VPS51: variants seen among roughly 807,000 people sequenced by gnomAD.
VPS51 encodes the protein vacuolar protein sorting-associated protein 51 homolog.
In VPS51, 55 loss-of-function variants were observed where a neutral mutation model predicts 65.1. That is an observed-to-expected ratio of 0.84 (90% CI 0.68 to 1.06). The LOEUF (loss-of-function observed/expected upper bound fraction) is 1.06, where lower values mean the gene tolerates loss of function less well. VPS51 is among the 50% of genes least tolerant of loss of function. The pLI is 0.00. For missense variants in VPS51, 943 were observed against 1,101.6 expected (o/e 0.86, Z 2.04); for synonymous variants, 473 against 489.5 (o/e 0.97, Z 0.44).
intron 2 of VPS51, among the ~76,000 whole-genome samples, chr11:65,101,762 CAAAAA>C (rs1165429983): frequency 2.0e-3 from 53 of 26,334 alleles, no homozygotes; most frequent in African/African-American, 4.2e-3. Flanking sequence ...GACCTTGTCT[CAAAAA>C]AAAAAAAAAA....
At position 65,107,564 on chromosome 11, in the gene VPS51, C is replaced by T. The variant is rs564127198; in HGVS notation, c.359-17C>T. ...CAGTCACCTGCTCTCCCCTTTTCCC[C>T]GCCCCTGCCCTCCTAGACACCATCC... On this transcript the variant is annotated splice_polypyrimidine_tract_variant and intron_variant, in intron 2 of 9. Transcript: ENST00000279281. The surrounding 1 kb of genome is among the most constrained non-coding windows in gnomAD (Gnocchi z 4.0). 6 of 1,565,464 alleles carry T rather than the reference C, an allele frequency of 3.8e-6. No individual in the cohort carries two copies. The East Asian group carries it at 6.8e-5, about 18-fold the overall frequency.
intron 2 of VPS51, among the ~76,000 whole-genome samples, chr11:65,100,525 GTTTTTTT>G (rs36120079): frequency 3.0e-5 from 2 of 65,614 alleles, no homozygotes; most frequent in African/African-American, 6.0e-5. Context: ...TCATAGCAGT[GTTTTTTT>G]TTTTTTTTTT....
At chr11:65,110,917 G>A in intron 9 of VPS51, 136 bp downstream of exon 9, 3 of 1,089,098 alleles carry the variant, frequency 2.8e-6, no homozygotes, top group Non-Finnish European at 4.1e-6. Context: ...TCTGTCTCTA[G>A]GGCTGTTTTT....
At chr11:65,104,297 A>G (rs1388742802) in intron 2 of VPS51, among the ~76,000 whole-genome samples, 1 of 152,156 alleles carries the variant, frequency 6.6e-6, no homozygotes. Flanking sequence ...GTATCTCCAT[A>G]ATACATCTCG....
At chr11:65,108,064 C>T (rs1270097397) in intron 4 of VPS51, 42 bp downstream of exon 4, 2 of 1,488,324 alleles carry the variant, frequency 1.3e-6, no homozygotes, top group Non-Finnish European at 1.8e-6. Context: ...CCGCCAGCCC[C>T]GAGCCCCATC....
At position 65,111,411 on chromosome 11, in the gene VPS51, C is replaced by T. The variant is rs371792750; in HGVS notation, c.2173C>T (p.Leu725=). 7.4e-6 allele frequency: 12 copies of T among 1,613,394 alleles called. No individual in the cohort carries two copies. In the African/African-American group the frequency reaches 1.5e-4, roughly 20 times the overall value. Residue 725 remains leucine, a synonymous_variant, in exon 10 of 10, where the codon CTG becomes TTG. Transcript: ENST00000279281. ...GCTGCGCACCTTTGGGCGCTTCGGGCTGCAGCAGGTGCAAGTGGACTGCCA... is the reference window on the plus strand; with the variant it reads ...GCTGCGCACCTTTGGGCGCTTCGGGTTGCAGCAGGTGCAAGTGGACTGCCA... ...VRLRTFGRFG[L]QQVQVDCHFL...
Position 65,107,085 on chromosome 11 carries a change from G to C in VPS51, c.359-496G>C, listed in dbSNP as rs1033437860. On this transcript the variant is annotated intron_variant, in intron 2 of 9. Transcript: ENST00000279281. The surrounding 1 kb of genome is among the most constrained non-coding windows in gnomAD (Gnocchi z 4.0). Reference sequence around the variant, plus strand: ...GATTCTATCAGGACCAAAGGGAAAGGGCCCTTCAGAGAAGACAGCCCATGT... The same window carrying C: ...GATTCTATCAGGACCAAAGGGAAAGCGCCCTTCAGAGAAGACAGCCCATGT... The C allele has an allele frequency of 2.0e-5, 9 of 447,996 alleles. No homozygotes were observed. The highest frequency in any genetic ancestry group is 4.8e-5 in the Admixed American group (2 of 41,732). The allele number at this position is 447,996 out of a possible 1,614,324, so 27.8% of individuals were successfully genotyped here.
rs1271577870 is a variant in VPS51, at chr11:65,096,374, G to A, written c.124G>A (p.Gly42Ser). The A allele has an allele frequency of 2.0e-6, 3 of 1,533,928 alleles. No homozygotes were observed. Among genetic ancestry groups the A allele is most frequent in the Admixed American group, 2.3e-5 (1 of 42,860 alleles). Residue 42 changes from glycine to serine, a missense_variant, in exon 1 of 10, where the codon GGC becomes AGC. Physicochemically the swap from Gly to Ser is moderately conservative, Grantham distance 56 (BLOSUM62 0). Coordinates refer to ENST00000279281, the MANE Select transcript of VPS51 (RefSeq NM_013265.4). ...KAHGMLKLYY[G>S]LSEGEAAGRP... ...GCACGGGATGCTGAAGCTTTACTAC[G>A]GCCTCTCGGAAGGGGAGGCGGCGGG... is the stretch of plus-strand genomic sequence containing the variant.
chr11:65,098,085 G>A (rs955317345), intron 2 of VPS51, among the ~76,000 whole-genome samples: 11 of 152,070 alleles, frequency 7.2e-5, no homozygotes, highest in African/African-American at 2.4e-4. Context: ...AGGAGGCTGA[G>A]TGGGAGAATC....
chr11:65,097,279 T>C, intron 2 of VPS51, 152 bp downstream of exon 2: 1 of 1,180,826 alleles, frequency 8.5e-7, no homozygotes, highest in East Asian at 2.6e-5. Context: ...CTTTGAGCCT[T>C]CGTTGTCAGA....
chr11:65,097,856 C>A (rs1947781343), intron 2 of VPS51, among the ~76,000 whole-genome samples: 1 of 148,962 alleles, frequency 6.7e-6, no homozygotes, highest in East Asian at 2.0e-4. Context: ...GACCCTGTCT[C>A]AAAAAAAAGA....
Position 65,107,974 on chromosome 11 carries a change from G to C in VPS51, c.677G>C (p.Cys226Ser). 1 of 1,565,194 alleles carries C rather than the reference G, an allele frequency of 6.4e-7. No homozygotes were observed. Among genetic ancestry groups the C allele is most frequent in the Non-Finnish European group, 8.6e-7 (1 of 1,157,284 alleles). The change falls in exon 4 of 10, where the codon TGC becomes TCC. Residue 226 changes from cysteine (C) to serine (S), a missense_variant. Cys to Ser is a moderately radical substitution (Grantham distance 112). This residue lies in a region of VPS51 where 855 missense variants were observed against 953.7 expected (regional missense o/e 0.90). Coordinates refer to ENST00000279281, the MANE Select transcript of VPS51 (RefSeq NM_013265.4). This position sits in a 1 kb window ranked among gnomAD's most constrained non-coding sequence, Gnocchi z 4.0. ...LPSFRAIQDD[C>S]QVITARLAQQ... is the part of the protein sequence containing the mutation. ...TCGTTCCGCGCCATCCAGGACGACT[G>C]CCAGGTCATCACGGCCCGCCTGGCC...
At chr11:65,097,902 C>A (rs562661530) in intron 2 of VPS51, among the ~76,000 whole-genome samples, 3 of 152,146 alleles carry the variant, frequency 2.0e-5, no homozygotes, top group African/African-American at 7.2e-5. Flanking sequence ...AGACACTAGG[C>A]TGGGCACAGT....
Position 65,108,583 on chromosome 11 carries a change from C to T in VPS51, c.1112C>T (p.Ala371Val), listed in dbSNP as rs767647540. Residue 371 changes from alanine to valine, a missense_variant, in exon 5 of 10, where the codon GCG (alanine) becomes GTG (valine). Coordinates refer to ENST00000279281, the MANE Select transcript of VPS51 (RefSeq NM_013265.4). ...GGTGACAACTCACTGCTGGTGCGGG[C>T]GCTGGACCGCTTCCACCGGCGCTTG... ...GGGDNSLLVR[A>V]LDRFHRRLRA... The T allele has an allele frequency of 1.9e-6, 3 of 1,545,026 alleles. No homozygotes were observed. Among genetic ancestry groups the T allele is most frequent in the African/African-American group, 1.4e-5 (1 of 73,502 alleles).
chr11:65,096,830 T>G, intron 1 of VPS51, 168 bp from the exon 2 acceptor site: 6 of 1,024,512 alleles, frequency 5.9e-6, no homozygotes, highest in East Asian at 2.6e-5. Context: ...TAGTAACCCC[T>G]GAGCTAGGCC....
chr11:65,106,738 G>A (rs1947844179), intron 2 of VPS51, among the ~76,000 whole-genome samples: 2 of 134,938 alleles, frequency 1.5e-5, no homozygotes, highest in African/African-American at 2.7e-5. Flanking sequence ...GCGACAGAGC[G>A]AGACTCAGTC....
intron 2 of VPS51, among the ~76,000 whole-genome samples, chr11:65,102,754 T>G (rs1262535285): frequency 1.3e-5 from 2 of 152,180 alleles, no homozygotes; most frequent in African/African-American, 4.8e-5. Flanking sequence ...CATGATCCCT[T>G]TACGAACCTC....
At position 65,109,856 on chromosome 11, in the gene VPS51, T is replaced by A; in HGVS notation, c.1811T>A (p.Leu604Gln). The change falls in exon 7 of 10, where the codon CTG (leucine) becomes CAG (glutamine). Residue 604 changes from leucine to glutamine, a missense_variant. By Grantham distance (113) the Leu-to-Gln change is moderately radical. Transcript: ENST00000279281. ...SVETRDWLST[L>Q]EPRNVRAVMK... Reference sequence around the variant, plus strand: ...GAGACTCGCGACTGGCTCAGCACTCTGGAGCCCCGGAATGTGCGGGCCGTC... The same window carrying A: ...GAGACTCGCGACTGGCTCAGCACTCAGGAGCCCCGGAATGTGCGGGCCGTC... 1 of 1,611,966 alleles carries A rather than the reference T, an allele frequency of 6.2e-7. No individual in the cohort carries two copies. The highest frequency in any genetic ancestry group is 8.5e-7 in the Non-Finnish European group (1 of 1,179,664).
chr11:65,108,168 C>G (rs1947856969), intron 4 of VPS51, 29 bp from the exon 5 acceptor site: 2 of 1,591,298 alleles, frequency 1.3e-6, no homozygotes, highest in South Asian at 1.1e-5. Flanking sequence ...AGCCCCGGCC[C>G]TGCCCTTCAC....
Sources: allele counts gnomAD v4.1 joint callset (sites outside exome capture counted in the v4.1 genomes callset), GRCh38; gene constraint gnomAD v4.1.1; regional missense constraint gnomAD v4.1.1; non-coding constraint Gnocchi (gnomAD v3.1); transcripts MANE v1.5; gene names NCBI Gene and HGNC (gene_info 2026-07-23, HGNC 2026-07-21).